Variants in MEIKIN observed in about 807,000 individuals in gnomAD.
MEIKIN encodes the protein meiosis-specific kinetochore protein.
intron 5 of MEIKIN, among the ~76,000 whole-genome samples, chr5:131,930,231 A>G (rs1751665034): frequency 6.6e-6 from 1 of 152,186 alleles, no homozygotes; most frequent in Admixed American, 6.5e-5. Flanking sequence ...CTTGACTGGT[A>G]TGCAATGCTA....
chr5:131,819,192 C>T (rs1749430588), intron 11 of MEIKIN, among the ~76,000 whole-genome samples: 1 of 151,922 alleles, frequency 6.6e-6, no homozygotes, highest in Admixed American at 6.6e-5. Context: ...AGAAAGTTTG[C>T]ATGATTTATT....
At chr5:131,919,612 G>C (rs1018598798) in intron 6 of MEIKIN, among the ~76,000 whole-genome samples, 1 of 152,012 alleles carries the variant, frequency 6.6e-6, no homozygotes, top group Non-Finnish European at 1.5e-5. Context: ...ACTGTTAGGT[G>C]GAAAAATCAA....
chr5:131,836,909 T>C (rs1749818960), intron 11 of MEIKIN, among the ~76,000 whole-genome samples: 2 of 152,210 alleles, frequency 1.3e-5, no homozygotes, highest in Admixed American at 1.3e-4. Flanking sequence ...TTAGATCCCA[T>C]TTGTCAATTT....
intron 8 of MEIKIN, among the ~76,000 whole-genome samples, chr5:131,899,266 G>A (rs1580897685): frequency 6.6e-6 from 1 of 152,202 alleles, no homozygotes; most frequent in African/African-American, 2.4e-5. Context: ...GTTGTGATCA[G>A]CTTAAAATAA....
chr5:131,851,400 T>C lies in MEIKIN; in HGVS notation c.856-17A>G, dbSNP rs1392934992. Reference sequence around the variant, plus strand: ...CAAATCAATCTATAAAAGAATACATTATTGTTTTGTGGAAGTTAAACATTG... The same window carrying C: ...CAAATCAATCTATAAAAGAATACATCATTGTTTTGTGGAAGTTAAACATTG... On this transcript the variant is annotated splice_polypyrimidine_tract_variant and intron_variant, in intron 10 of 12. Transcript: ENST00000442687. The C allele has an allele frequency of 7.5e-6, 3 of 397,650 alleles. No homozygotes were observed. Among genetic ancestry groups the C allele is most frequent in the Non-Finnish European group, 8.9e-6 (2 of 225,164 alleles). 24.6% of individuals were successfully genotyped at this position (397,650 alleles called of 1,614,324 possible). A position where few individuals can be genotyped will look rare whatever the true frequency, so the allele number is the denominator to read the frequency against.
intron 12 of MEIKIN, among the ~76,000 whole-genome samples, chr5:131,814,631 T>G (rs893199339): frequency 6.6e-6 from 1 of 152,116 alleles, no homozygotes. Flanking sequence ...AAAAGAAGGA[T>G]GTATGCCATA....
chr5:131,871,581 G>T (rs1473672788), intron 9 of MEIKIN, among the ~76,000 whole-genome samples: 1 of 152,340 alleles, frequency 6.6e-6, no homozygotes, highest in East Asian at 1.9e-4. Context: ...ACAGGGCACA[G>T]ACAAACAAAA....
chr5:131,808,856 G>T (rs1385452012), intron 12 of MEIKIN, among the ~76,000 whole-genome samples: 1 of 152,058 alleles, frequency 6.6e-6, no homozygotes, highest in Admixed American at 6.5e-5. Flanking sequence ...TGAGCAGATT[G>T]CTTGAGCCCA....
chr5:131,904,986 G>C (rs1239314091), intron 8 of MEIKIN, among the ~76,000 whole-genome samples: 1 of 152,066 alleles, frequency 6.6e-6, no homozygotes, highest in East Asian at 1.9e-4. Flanking sequence ...GGCCTGTCGG[G>C]GGGTTGGAGG....
intron 11 of MEIKIN, among the ~76,000 whole-genome samples, chr5:131,829,795 T>C (rs375707835): frequency 6.6e-6 from 1 of 152,140 alleles, no homozygotes; most frequent in Non-Finnish European, 1.5e-5. Flanking sequence ...ATTGGAGTTA[T>C]GCTGCCACAA....
intron 9 of MEIKIN, among the ~76,000 whole-genome samples, chr5:131,870,062 T>C (rs1387547677): frequency 6.6e-6 from 1 of 152,210 alleles, no homozygotes; most frequent in Admixed American, 6.5e-5. Context: ...CAATTGACTT[T>C]TAAATTCCTT....
At chr5:131,826,385 CA>C (rs1749609338) in intron 11 of MEIKIN, among the ~76,000 whole-genome samples, 1 of 152,008 alleles carries the variant, frequency 6.6e-6, no homozygotes, top group African/African-American at 2.4e-5. Context: ...AAAGAAAAGA[CA>C]GAACCAAAAT....
At chr5:131,913,540 T>A (rs1751363076) in intron 7 of MEIKIN, among the ~76,000 whole-genome samples, 1 of 152,236 alleles carries the variant, frequency 6.6e-6, no homozygotes, top group Admixed American at 6.5e-5. Context: ...CCTCGCTCCA[T>A]GTGACACCAA....
Position 131,835,534 on chromosome 5 carries a change from A to G in MEIKIN, c.975+15730T>C, listed in dbSNP as rs138421714. 3.2e-3 allele frequency among the ~76,000 whole-genome samples: 489 copies of G among 152,032 alleles called. 6 individuals are homozygous for G. The highest frequency in any genetic ancestry group is 0.012 in the African/African-American group (480 of 41,474). On this transcript the variant is annotated intron_variant, in intron 11 of 12. Transcript: ENST00000442687. ...TTAAGTCTTTAATCCATTTTGAGTT[A>G]ATTTTTCTATATGGTGTACTTCTGG...
intron 12 of MEIKIN, among the ~76,000 whole-genome samples, chr5:131,812,229 T>C (rs773264401): frequency 5.9e-5 from 9 of 152,220 alleles, no homozygotes; most frequent in African/African-American, 1.4e-4. Context: ...TATGTAACAG[T>C]TGCATATAAC....
chr5:131,841,520 G>A (rs1005520411), intron 11 of MEIKIN, among the ~76,000 whole-genome samples: 4 of 152,152 alleles, frequency 2.6e-5, no homozygotes, highest in Non-Finnish European at 4.4e-5. Flanking sequence ...CTTGAAATTA[G>A]GAGGTGTGAT....
intron 11 of MEIKIN, among the ~76,000 whole-genome samples, chr5:131,822,740 T>G (rs1749536957): frequency 6.6e-6 from 1 of 152,220 alleles, no homozygotes; most frequent in Non-Finnish European, 1.5e-5. Flanking sequence ...GTTATACTAT[T>G]CTGTTTTTCT....
At chr5:131,933,738 A>G in intron 4 of MEIKIN, 97 bp from the exon 5 acceptor site, 2 of 389,818 alleles carry the variant, frequency 5.1e-6, no homozygotes. Context: ...ATGCTTAGTT[A>G]TATATTATTA....
chr5:131,892,630 A>C (rs2149634963), intron 8 of MEIKIN, among the ~76,000 whole-genome samples: 1 of 152,182 alleles, frequency 6.6e-6, no homozygotes, highest in African/African-American at 2.4e-5. Context: ...TTTTTCTTCA[A>C]GGTTTTTAAT....
Sources: gnomAD v4.1 joint callset for allele counts (sites outside exome capture counted in the v4.1 genomes callset) on GRCh38, gnomAD v4.1.1 for gene constraint, MANE v1.5 for transcripts, NCBI Gene and HGNC (gene_info 2026-07-23, HGNC 2026-07-21) for gene names.